CA10: variants seen among roughly 807,000 people sequenced by gnomAD.
The protein encoded by CA10 is carbonic anhydrase 10 (inactive).
A neutral mutation model predicts 44.2 loss-of-function variants in CA10; 14 were observed. The observed-to-expected ratio is 0.32, with a 90% CI of 0.21 to 0.50. The LOEUF (loss-of-function observed/expected upper bound fraction) is 0.50. CA10 is among the 20% of genes least tolerant of loss of function. CA10 has a pLI of 0.99. For missense variants in CA10, 350 were observed against 409.7 expected (o/e 0.85, Z 1.26); for synonymous variants, 159 against 141.6 (o/e 1.12, Z -0.87).
At chr17:51,810,274 T>C (rs533323341) in intron 3 of CA10, among the ~76,000 whole-genome samples, 33 of 152,366 alleles carry the variant, frequency 2.2e-4, no homozygotes, top group African/African-American at 7.5e-4. Flanking sequence ...TCTAGCTGAA[T>C]TCTTAGATCC....
chr17:52,040,298 A>G (rs1288316680), intron 2 of CA10, among the ~76,000 whole-genome samples: 1 of 130,782 alleles, frequency 7.6e-6, no homozygotes, highest in Admixed American at 7.8e-5. Context: ...TCTATTTATG[A>G]GTGCTCATGT....
chr17:51,651,063 C>T (rs1287861647), intron 5 of CA10, among the ~76,000 whole-genome samples: 1 of 152,178 alleles, frequency 6.6e-6, no homozygotes, highest in Non-Finnish European at 1.5e-5. Context: ...CAAGTATCTC[C>T]TTTTAGAGAG....
intron 3 of CA10, among the ~76,000 whole-genome samples, chr17:51,881,352 TG>T (rs1198685042): frequency 1.3e-5 from 2 of 151,896 alleles, no homozygotes; most frequent in Non-Finnish European, 2.9e-5. Context: ...AATAGCATAA[TG>T]TTTTTATAAT....
At chr17:51,942,536 C>T (rs902720706) in intron 2 of CA10, among the ~76,000 whole-genome samples, 3 of 74,336 alleles carry the variant, frequency 4.0e-5, no homozygotes, top group Non-Finnish European at 9.3e-5. Flanking sequence ...ATCTTGCAGG[C>T]ATTATATATA....
intron 2 of CA10, among the ~76,000 whole-genome samples, chr17:51,972,138 T>C (rs534101571): frequency 1.3e-5 from 2 of 152,120 alleles, no homozygotes; most frequent in South Asian, 4.1e-4. Flanking sequence ...AAGGGAAGCA[T>C]GCCATTTGGG....
At chr17:51,823,119 G>A (rs1907875744) in intron 3 of CA10, among the ~76,000 whole-genome samples, 1 of 152,190 alleles carries the variant, frequency 6.6e-6, no homozygotes, top group South Asian at 2.1e-4. Context: ...TGTTTTCTCT[G>A]ATTTTTAACA....
At chr17:51,944,405 C>G (rs1003033226) in intron 2 of CA10, among the ~76,000 whole-genome samples, 3 of 152,156 alleles carry the variant, frequency 2.0e-5, no homozygotes, top group Non-Finnish European at 4.4e-5. Context: ...CTACCCTCAC[C>G]TTATGGGAAG....
At chr17:51,812,838 T>C (rs996502930) in intron 3 of CA10, among the ~76,000 whole-genome samples, 2 of 152,100 alleles carry the variant, frequency 1.3e-5, no homozygotes, top group African/African-American at 4.8e-5. Context: ...CAGGGGAGGA[T>C]TGCTGACAGC....
At chr17:51,675,715 C>CA (rs199731935) in intron 4 of CA10, among the ~76,000 whole-genome samples, 3,186 of 140,662 alleles carry the variant, frequency 0.023, 90 homozygotes, top group African/African-American at 0.067. Flanking sequence ...GGCTGCGTCT[C>CA]AAAAAAAAAA....
At chr17:51,817,698 G>A (rs1257393699) in intron 3 of CA10, among the ~76,000 whole-genome samples, 1 of 152,156 alleles carries the variant, frequency 6.6e-6, no homozygotes, top group Admixed American at 6.5e-5. Context: ...GATCTAGAAG[G>A]CATGCATGGG....
Position 52,133,386 on chromosome 17 carries a change from A to G in CA10, c.61+24340T>C, listed in dbSNP as rs559818753. On this transcript the variant is annotated intron_variant, in intron 1 of 8. Transcript: ENST00000451037. ...TATTTTTTAAAGTGGTTAGCAAAGC[A>G]GGAGAGAAACTGTCAGAGATCCGCA... 4.6e-5 allele frequency among the ~76,000 whole-genome samples: 7 copies of G among 152,334 alleles called. No homozygotes were observed. The East Asian group carries it at 1.4e-3, about 29-fold the overall frequency.
intron 3 of CA10, among the ~76,000 whole-genome samples, chr17:51,792,146 A>G (rs1598047332): frequency 6.6e-6 from 1 of 152,344 alleles, no homozygotes; most frequent in African/African-American, 2.4e-5. Context: ...CTCATAGAAG[A>G]GAAGGATATT....
chr17:52,110,520 G>C (rs1023845064), intron 1 of CA10, among the ~76,000 whole-genome samples: 1 of 152,204 alleles, frequency 6.6e-6, no homozygotes, highest in Non-Finnish European at 1.5e-5. Flanking sequence ...CTGTATCCTA[G>C]GTTGGGCTCT....
At chr17:51,804,339 A>C (rs1907048465) in intron 3 of CA10, among the ~76,000 whole-genome samples, 1 of 152,186 alleles carries the variant, frequency 6.6e-6, no homozygotes, top group African/African-American at 2.4e-5. Context: ...ATTTGTTTCC[A>C]ATGCTTCTCT....
In CA10 at chr17:51,892,581, C is replaced by G. The variant is rs147540652; in HGVS notation, c.279+38409G>C. ...GCAGAAATGTATAAAATGAGATAAT[C>G]TTGTTATGGCAAACATATGGCCAAT... On this transcript the variant is annotated intron_variant, in intron 3 of 8. Transcript: ENST00000451037. Among the ~76,000 whole-genome samples the G allele has an allele frequency of 1.2e-4, 18 of 152,246 alleles. No homozygotes were observed. In the East Asian group the frequency reaches 2.7e-3, roughly 23 times the overall value.
At chr17:52,124,672 C>A (rs975461608) in intron 1 of CA10, among the ~76,000 whole-genome samples, 1 of 152,234 alleles carries the variant, frequency 6.6e-6, no homozygotes, top group African/African-American at 2.4e-5. Flanking sequence ...GCTAACCTGG[C>A]AGGATCCCTT....
At chr17:51,859,144 T>A (rs1166020507) in intron 3 of CA10, among the ~76,000 whole-genome samples, 2 of 152,162 alleles carry the variant, frequency 1.3e-5, no homozygotes, top group African/African-American at 4.8e-5. Flanking sequence ...TGGGGTGATA[T>A]CTTTTTCTCT....
intron 4 of CA10, among the ~76,000 whole-genome samples, chr17:51,718,350 G>C (rs1916241332): frequency 6.6e-6 from 1 of 152,150 alleles, no homozygotes; most frequent in African/African-American, 2.4e-5. Flanking sequence ...AGGAAGAAGA[G>C]AGAGGCCGAA....
chr17:52,147,491 TAA>T (rs369637225), intron 1 of CA10, among the ~76,000 whole-genome samples: 15 of 131,752 alleles, frequency 1.1e-4, no homozygotes, highest in Non-Finnish European at 9.9e-5. Context: ...AAAGCAGATT[TAA>T]AAAAAAAAAA....
Sources: allele counts gnomAD v4.1 joint callset (sites outside exome capture counted in the v4.1 genomes callset), GRCh38; gene constraint gnomAD v4.1.1; transcripts MANE v1.5; gene names NCBI Gene and HGNC (gene_info 2026-07-23, HGNC 2026-07-21).